CEBPZ: variants seen among roughly 807,000 people sequenced by gnomAD.
CEBPZ encodes the protein CCAAT/enhancer-binding protein zeta.
CEBPZ carries 78 observed loss-of-function variants against 104.5 expected under a neutral mutation model. The ratio of observed to expected loss-of-function variants is 0.75; its 90% confidence interval spans 0.62 to 0.90. The LOEUF (loss-of-function observed/expected upper bound fraction) is 0.90, where lower values mean the gene tolerates loss of function less well. Ranked by LOEUF, CEBPZ falls within the 40% of genes least tolerant of loss-of-function variation. CEBPZ has a pLI of 0.00. For missense variants in CEBPZ, 1,439 were observed against 1,233.5 expected (o/e 1.17, Z -2.50); for synonymous variants, 470 against 427.0 (o/e 1.10, Z -1.24).
At chr2:37,219,228 G>A (rs1305667294) in intron 5 of CEBPZ, among the ~76,000 whole-genome samples, 2 of 152,116 alleles carry the variant, frequency 1.3e-5, no homozygotes, top group Non-Finnish European at 2.9e-5. Context: ...TGCAACAACT[G>A]GTAAGCACTT....
rs762289766 is a variant in CEBPZ, at chr2:37,228,289, G to T, written c.904C>A (p.Arg302=). 45 of 1,614,028 alleles carry T rather than the reference G, an allele frequency of 2.8e-5. No individual in the cohort carries two copies. In the Middle Eastern group the frequency reaches 1.6e-3, roughly 59 times the overall value. ...CGCTGGCTGAAAATCCTCAGCTTCC[G>T]ATTGTCTGGCAAAAGGTCTGTGATA... ...LLITDLLPDN[R]KLRIFSQRPF... The change falls in exon 2 of 16, where the codon CGG becomes AGG. Residue 302 remains arginine (R), a synonymous_variant. Transcript: ENST00000234170.
chr2:37,212,597 A>T (rs1438879177), intron 10 of CEBPZ: 1 of 543,438 alleles, frequency 1.8e-6, no homozygotes, highest in African/African-American at 1.9e-5. Flanking sequence ...CCCAAAACTA[A>T]AGAAGGATCC....
At chr2:37,217,341 C>T (rs749851656) in intron 5 of CEBPZ, among the ~76,000 whole-genome samples, 7 of 152,066 alleles carry the variant, frequency 4.6e-5, no homozygotes, top group Admixed American at 1.3e-4. Context: ...GTCGAGGCTG[C>T]AGTGAGCTGA....
At chr2:37,222,631 T>C in intron 3 of CEBPZ, 68 bp from the exon 4 acceptor site, 3 of 1,151,698 alleles carry the variant, frequency 2.6e-6, no homozygotes, top group Non-Finnish European at 3.6e-6. Context: ...CTGTGCTCCA[T>C]TATGTGATGC....
chr2:37,213,949 T>G lies in CEBPZ; in HGVS notation c.2460A>C (p.Lys820Asn). 6.5e-7 allele frequency: 1 copy of G among 1,541,200 alleles called. No individual in the cohort carries two copies. The highest frequency in any genetic ancestry group is 1.4e-5 in the African/African-American group (1 of 71,724). Residue 820 changes from lysine (K) to asparagine (N), a missense_variant, in exon 10 of 16, where the codon AAA (lysine) becomes AAC (asparagine). Physicochemically the swap from Lys to Asn is moderately conservative, Grantham distance 94 (BLOSUM62 0). Transcript: ENST00000234170. ...GTTTTTGTTTCTCTTTAACAGCAAC[T>G]TTTTTATAATACCTATAATATTCAT... The part of the protein sequence containing the change: ...DEVFFHRYYK[K>N]VAVKEKQKRD...
At chr2:37,207,609 T>C (rs999393176) in intron 13 of CEBPZ, among the ~76,000 whole-genome samples, 19 of 152,064 alleles carry the variant, frequency 1.2e-4, no homozygotes, top group Admixed American at 3.3e-4. Context: ...AACTGAACAA[T>C]AGTGACACAA....
chr2:37,216,148 T>A lies in CEBPZ; in HGVS notation c.2372A>T (p.His791Leu). ...CTAAGGTTTATACTTACCAGGAAGA[T>A]GACGAATATCCTTAATAAAATGTTT... ...KRKHFIKDIR[H>L]LPVNSKEFLA... The change falls in exon 8 of 16, where the codon CAT becomes CTT. Residue 791 changes from histidine to leucine, a missense_variant. By Grantham distance (99) the His-to-Leu change is moderately conservative. Transcript: ENST00000234170. The A allele has an allele frequency of 3.7e-6, 6 of 1,610,464 alleles. No individual in the cohort carries two copies. Among genetic ancestry groups the A allele is most frequent in the Non-Finnish European group, 5.1e-6 (6 of 1,177,880 alleles).
At chr2:37,214,081 G>A in intron 9 of CEBPZ, 120 bp from the exon 10 acceptor site, 24 of 468,786 alleles carry the variant, frequency 5.1e-5, no homozygotes, top group South Asian at 3.5e-4. Context: ...ATACTCAATT[G>A]GAAATAAATG....
At chr2:37,216,475 G>C in intron 6 of CEBPZ, 57 bp from the exon 7 acceptor site, 1 of 1,225,792 alleles carries the variant, frequency 8.2e-7, no homozygotes, top group South Asian at 1.3e-5. Flanking sequence ...ATGAATCCAA[G>C]TAAGAAAAAG....
rs187662253 is a variant in CEBPZ, at chr2:37,229,497, T to C, written c.157-461A>G. The stretch of plus-strand genomic sequence containing the variant: ...TTAAAACCACAATGATACATCCATC[T>C]TTTAATTTATCAGATGAGCAAAGAT... On this transcript the variant is annotated intron_variant, in intron 1 of 15. Transcript: ENST00000234170. 2.0e-5 allele frequency among the ~76,000 whole-genome samples: 3 copies of C among 152,350 alleles called. No homozygotes were observed. In the East Asian group the frequency reaches 5.8e-4, roughly 29 times the overall value.
intron 12 of CEBPZ, 100 bp downstream of exon 12, chr2:37,211,743 T>C: frequency 1.2e-6 from 1 of 821,004 alleles, no homozygotes; most frequent in Non-Finnish European, 1.8e-6. Context: ...AGTATTAATT[T>C]GAATACAGGG....
chr2:37,228,035 T>C lies in CEBPZ; in HGVS notation c.1158A>G (p.Gln386=), dbSNP rs1303528702. Residue 386 remains glutamine, a synonymous_variant, in exon 2 of 16, where the codon CAA becomes CAG. Coordinates refer to ENST00000234170, the MANE Select transcript of CEBPZ (RefSeq NM_005760.3). ...KPEEEKALLV[Q]VVNKLGDPQN... is the part of the protein sequence containing the mutation. ...GAGGATCTCCCAGTTTATTTACCAC[T>C]TGCACAAGAAGAGCCTTTTCTTCCT... 3 of 1,614,196 alleles carry C rather than the reference T, an allele frequency of 1.9e-6. No individual in the cohort carries two copies. Among genetic ancestry groups the C allele is most frequent in the Non-Finnish European group, 2.5e-6 (3 of 1,180,032 alleles).
Position 37,227,972 on chromosome 2 carries a change from C to A in CEBPZ, c.1221G>T (p.Glu407Asp). ...TATTGGGATGTTTACAAAGTAATGT[C>A]TCTAACAGATGGGATGCTTTTGTGG... The part of the protein sequence containing the change: ...RIATKASHLL[E>D]TLLCKHPNMK... Residue 407 changes from glutamate to aspartate, a missense_variant, in exon 2 of 16, where the codon GAG becomes GAT. Physicochemically the swap from Glu to Asp is conservative, Grantham distance 45 (BLOSUM62 2). Coordinates refer to ENST00000234170, the MANE Select transcript of CEBPZ (RefSeq NM_005760.3). 6.2e-7 allele frequency: 1 copy of A among 1,614,168 alleles called. No individual in the cohort carries two copies. Among genetic ancestry groups the A allele is most frequent in the South Asian group, 1.1e-5 (1 of 91,086 alleles).
At chr2:37,223,976 ACT>A (rs1198464239) in intron 2 of CEBPZ, among the ~76,000 whole-genome samples, 2 of 151,962 alleles carry the variant, frequency 1.3e-5, no homozygotes, top group Non-Finnish European at 2.9e-5. Flanking sequence ...CTTCTCTCCA[ACT>A]CTCTGCATGT....
At position 37,227,570 on chromosome 2, in the gene CEBPZ, C is replaced by A. The variant is rs151009427; in HGVS notation, c.1623G>T (p.Ser541=). Residue 541 remains serine (S), a synonymous_variant, in exon 2 of 16, where the codon TCG becomes TCT. Transcript: ENST00000234170. The part of the protein sequence containing the change: ...FQVMNSQQTI[S]DRYYTALYRK... ...TGTATAATGCTGTGTAATATCGATCCGATATTGTCTGCTGAGAATTCATTA... is the reference window on the plus strand; with the variant it reads ...TGTATAATGCTGTGTAATATCGATCAGATATTGTCTGCTGAGAATTCATTA... The A allele has an allele frequency of 6.2e-7, 1 of 1,612,028 alleles. No individual in the cohort carries two copies. Among genetic ancestry groups the A allele is most frequent in the South Asian group, 1.1e-5 (1 of 90,716 alleles).
chr2:37,209,935 G>C (rs1163233612), intron 13 of CEBPZ: 1 of 151,882 alleles, frequency 6.6e-6, no homozygotes, highest in African/African-American at 2.4e-5. Flanking sequence ...AAGTCAGCAA[G>C]AAAAAAACAA....
chr2:37,230,902 C>A (rs1665059934), intron 1 of CEBPZ, among the ~76,000 whole-genome samples: 1 of 152,278 alleles, frequency 6.6e-6, no homozygotes, highest in East Asian at 1.9e-4. Context: ...CACTCCTTAT[C>A]GTCCTTCCTT....
intron 13 of CEBPZ, among the ~76,000 whole-genome samples, chr2:37,208,173 A>G (rs1677602186): frequency 6.6e-6 from 1 of 152,164 alleles, no homozygotes; most frequent in Non-Finnish European, 1.5e-5. Context: ...CTGCCAACAA[A>G]ACAAAGTCCA....
At position 37,227,599 on chromosome 2, in the gene CEBPZ, G is replaced by C; in HGVS notation, c.1594C>G (p.Gln532Glu). ...ATTGTCTGCTGAGAATTCATTACTT[G>C]GAAAAGCAACATTAAAGCCTGGACA... Reference protein sequence around the residue: ...TSVQALMLLFQVMNSQQTISD... With the variant: ...TSVQALMLLFEVMNSQQTISD... Residue 532 changes from glutamine (Q) to glutamate (E), a missense_variant, in exon 2 of 16, where the codon CAA (glutamine) becomes GAA (glutamate). Physicochemically the swap from Gln to Glu is conservative, Grantham distance 29. Coordinates refer to ENST00000234170, the MANE Select transcript of CEBPZ (RefSeq NM_005760.3). 3.1e-6 allele frequency: 5 copies of C among 1,613,860 alleles called. No individual in the cohort carries two copies. The highest frequency in any genetic ancestry group is 4.2e-6 in the Non-Finnish European group (5 of 1,179,958).
Sources: allele counts gnomAD v4.1 joint callset (sites outside exome capture counted in the v4.1 genomes callset), GRCh38; gene constraint gnomAD v4.1.1; transcripts MANE v1.5; gene names NCBI Gene and HGNC (gene_info 2026-07-23, HGNC 2026-07-21).